The following PHIP variants were observed in gnomAD, a reference collection of about 807,000 sequenced individuals.
The protein encoded by PHIP is PHIP subunit of CUL4-Ring ligase complex.
A neutral mutation model predicts 236.8 loss-of-function variants in PHIP; 54 were observed. The observed-to-expected ratio is 0.23, with a 90% CI of 0.18 to 0.29. The LOEUF is 0.29. PHIP is among the 10% of genes least tolerant of loss of function. PHIP has a pLI of 1.00. For missense variants in PHIP, 1,370 were observed against 2,190.8 expected, an observed-to-expected ratio of 0.63 and a Z score of 7.48; for synonymous variants, 756 against 718.9, an observed-to-expected ratio of 1.05 and a Z score of -0.83.
At chr6:79,027,456 A>G (rs187046070) in intron 7 of PHIP, among the ~76,000 whole-genome samples, 40 of 152,256 alleles carry the variant, frequency 2.6e-4, no homozygotes, top group Admixed American at 9.2e-4. Flanking sequence ...TAAAATACGG[A>G]GGTTAAAATG....
intron 23 of PHIP, among the ~76,000 whole-genome samples, chr6:78,979,638 C>A (rs1166070680): frequency 6.6e-6 from 1 of 151,846 alleles, no homozygotes; most frequent in Non-Finnish European, 1.5e-5. Context: ...ACCTTAGACT[C>A]AGGAAAAAAA....
chr6:79,017,121 TTAAAAAG>T (rs1770870014), intron 12 of PHIP, among the ~76,000 whole-genome samples: 1 of 151,924 alleles, frequency 6.6e-6, no homozygotes, highest in Admixed American at 6.6e-5. Flanking sequence ...ATAGGGTGAT[TTAAAAAG>T]CAGTAATTAC....
intron 35 of PHIP, among the ~76,000 whole-genome samples, chr6:78,949,869 T>G (rs1202903957): frequency 2.0e-5 from 3 of 152,070 alleles, no homozygotes; most frequent in Non-Finnish European, 4.4e-5. Context: ...TTGTATTTTT[T>G]GTAAAGACGG....
chr6:79,051,226 T>C (rs1772778690), intron 6 of PHIP, among the ~76,000 whole-genome samples: 2 of 152,186 alleles, frequency 1.3e-5, no homozygotes, highest in South Asian at 4.1e-4. Flanking sequence ...CTCTACATCA[T>C]ACTGTACCAG....
intron 4 of PHIP, among the ~76,000 whole-genome samples, chr6:79,063,490 C>T (rs1773483065): frequency 6.6e-6 from 1 of 152,196 alleles, no homozygotes; most frequent in Non-Finnish European, 1.5e-5. Context: ...GATCTCGGCT[C>T]ACTGCAACCT....
At chr6:79,073,155 T>C (rs1000453345) in intron 4 of PHIP, among the ~76,000 whole-genome samples, 8 of 152,154 alleles carry the variant, frequency 5.3e-5, no homozygotes, top group African/African-American at 1.9e-4. Context: ...ATATTAACAA[T>C]ATAGTAAGTA....
chr6:79,077,946 G>A (rs201143953), intron 1 of PHIP, 33 bp from the exon 2 acceptor site: 2 of 1,590,758 alleles, frequency 1.3e-6, no homozygotes, highest in South Asian at 1.1e-5. Flanking sequence ...GAGACACACA[G>A]GCTGAGCGGT....
chr6:78,998,205 G>A (rs772623550), intron 18 of PHIP, 49 bp downstream of exon 18: 1 of 1,474,158 alleles, frequency 6.8e-7, no homozygotes, highest in South Asian at 1.1e-5. Context: ...GGAGATTTAG[G>A]CTGTTTCAAA....
intron 27 of PHIP, among the ~76,000 whole-genome samples, chr6:78,967,835 T>C (rs1279095527): frequency 6.6e-6 from 1 of 152,078 alleles, no homozygotes; most frequent in Non-Finnish European, 1.5e-5. Context: ...TGCAACTCCT[T>C]AAAAAATAAA....
chr6:78,945,628 G>A lies in PHIP; in HGVS notation c.4631-131C>T, dbSNP rs1773771088. 17 of 661,934 alleles carry A rather than the reference G, an allele frequency of 2.6e-5. No homozygotes were observed. In the South Asian group the frequency reaches 2.9e-4, roughly 11 times the overall value. 41.0% of individuals were successfully genotyped at this position (661,934 alleles called of 1,614,324 possible). On this transcript the variant is annotated intron_variant, in intron 38 of 39. Transcript: ENST00000275034. ...GGATGCTTAAAGCTTTCTTAGGAAA[G>A]CTACTTTCTAATAGGAAAAAGGCGT...
In PHIP at chr6:78,940,053, C is replaced by G. The variant is rs1380099548; in HGVS notation, c.*640G>C. ...AATGTTTTCCAATGTGGATATGTTT[C>G]CCTTCATCAGTACATTTTCTCTTGT... On this transcript the variant is annotated 3_prime_UTR_variant, in exon 40 of 40. Transcript: ENST00000275034. 9.5e-6 allele frequency: 1 copy of G among 105,216 alleles called. No homozygotes were observed. Among genetic ancestry groups the G allele is most frequent in the Non-Finnish European group, 2.0e-5 (1 of 51,140 alleles). The allele number at this position is 105,216 out of a possible 1,614,324, so 6.5% of individuals were successfully genotyped here.
intron 35 of PHIP, among the ~76,000 whole-genome samples, chr6:78,951,229 T>C (rs903531430): frequency 6.6e-6 from 1 of 152,202 alleles, no homozygotes; most frequent in Non-Finnish European, 1.5e-5. Flanking sequence ...TTTTGGTTAA[T>C]GTAAATTTTA....
At chr6:78,955,053 A>G in intron 34 of PHIP, 90 bp from the exon 35 acceptor site, 1 of 976,182 alleles carries the variant, frequency 1.0e-6, no homozygotes, top group South Asian at 1.8e-5. Flanking sequence ...ATTGGGTAAT[A>G]TACAATAATT....
rs1473550095 is a variant in PHIP at position 78,970,764 on chromosome 6, A to C, written c.2997+17T>G. The C allele has an allele frequency of 2.0e-6, 3 of 1,479,648 alleles. No individual in the cohort carries two copies. The highest frequency in any genetic ancestry group is 2.8e-6 in the Non-Finnish European group (3 of 1,074,814). The allele number at this position is 1,479,648 out of a possible 1,614,324, so 91.7% of individuals were successfully genotyped here. Reference sequence around the variant, plus strand: ...ATTGTATTTTTGGGGCTATTAAATAATAAATCAATGTCATACCCGTAGCTC... The same window carrying C: ...ATTGTATTTTTGGGGCTATTAAATACTAAATCAATGTCATACCCGTAGCTC... On this transcript the variant is annotated intron_variant, in intron 25 of 39. Coordinates refer to ENST00000275034, the MANE Select transcript of PHIP (RefSeq NM_017934.7).
intron 24 of PHIP, among the ~76,000 whole-genome samples, chr6:78,973,967 C>T (rs547589346): frequency 8.1e-4 from 123 of 152,064 alleles, no homozygotes; most frequent in African/African-American, 2.1e-3. Flanking sequence ...GACAGATCAA[C>T]GAGACAGAAA....
rs1373201205 is a variant in PHIP at position 78,965,695 on chromosome 6, ACAC to A, written c.3379+5_3379+7del. 1 of 1,480,654 alleles carries A rather than the reference ACAC, an allele frequency of 6.8e-7. No homozygotes were observed. The highest frequency in any genetic ancestry group is 1.4e-5 in the African/African-American group (1 of 72,100). 91.7% of individuals were successfully genotyped at this position (1,480,654 alleles called of 1,614,324 possible). The stretch of plus-strand genomic sequence containing the variant: ...AATGGAGAAACAAAAAGCCTAACAC[ACAC>A]TTACCATTATTAGGTATAAGCTCCA... On this transcript the variant is annotated splice_donor_5th_base_variant and intron_variant, in intron 29 of 39. Transcript: ENST00000275034.
At chr6:79,033,606 G>A (rs1450564656) in intron 7 of PHIP, among the ~76,000 whole-genome samples, 1 of 152,144 alleles carries the variant, frequency 6.6e-6, no homozygotes, top group African/African-American at 2.4e-5. Flanking sequence ...AAGAGTCAGG[G>A]TCTTGCTTTG....
At chr6:79,031,226 G>T (rs1771659029) in intron 7 of PHIP, among the ~76,000 whole-genome samples, 1 of 152,198 alleles carries the variant, frequency 6.6e-6, no homozygotes, top group Non-Finnish European at 1.5e-5. Flanking sequence ...TTATAGGCAT[G>T]AGCCATCACA....
rs545472313 is a variant in PHIP at position 78,960,895 on chromosome 6, T to C, written c.3656+795A>G. On this transcript the variant is annotated intron_variant, in intron 31 of 39. Coordinates refer to ENST00000275034, the MANE Select transcript of PHIP (RefSeq NM_017934.7). Reference sequence around the variant, plus strand: ...ACAAAATATGAATAAAGCTTCTCTATGTTAAAAAGAAGAATAACGGAAAGG... The same window carrying C: ...ACAAAATATGAATAAAGCTTCTCTACGTTAAAAAGAAGAATAACGGAAAGG... 1.2e-3 allele frequency among the ~76,000 whole-genome samples: 179 copies of C among 152,236 alleles called. 4 individuals are homozygous for C. The highest frequency in any genetic ancestry group is 0.011 in the Admixed American group (166 of 15,282).
Sources: gnomAD v4.1 joint callset for allele counts (sites outside exome capture counted in the v4.1 genomes callset) on GRCh38, gnomAD v4.1.1 for gene constraint, MANE v1.5 for transcripts, NCBI Gene and HGNC (gene_info 2026-07-23, HGNC 2026-07-21) for gene names.